LRRC28: variants seen among roughly 807,000 people sequenced by gnomAD.
The protein encoded by LRRC28 is leucine rich repeat containing 28, also known as leucine-rich repeat-containing protein 28.
In LRRC28, 39 loss-of-function variants were observed where a neutral mutation model predicts 45.7. That is an observed-to-expected ratio of 0.85 (90% CI 0.66 to 1.12). The LOEUF (loss-of-function observed/expected upper bound fraction) is 1.12. Ranked by LOEUF, LRRC28 falls within the 50% of genes most tolerant of loss-of-function variation. The pLI, the probability that LRRC28 is intolerant of heterozygous loss-of-function variation, is 0.00. For missense variants in LRRC28, 435 were observed against 438.5 expected (o/e 0.99, Z 0.07); for synonymous variants, 206 against 178.8 (o/e 1.15, Z -1.22).
intron 5 of LRRC28, among the ~76,000 whole-genome samples, chr15:99,292,518 C>G (rs962771453): frequency 6.6e-6 from 1 of 151,726 alleles, no homozygotes; most frequent in Admixed American, 6.6e-5. Flanking sequence ...GCGCCCGCCA[C>G]CGCGCCCGGC....
At position 99,386,606 on chromosome 15, in the gene LRRC28, AGGG is replaced by A; in HGVS notation, c.*505_*507del. On this transcript the variant is annotated 3_prime_UTR_variant, in exon 10 of 10. Transcript: ENST00000301981. ...CGTGGCCTCAATGGTCTTGAGTAGCAGGGTGGGGCGCCTGAGTTGGCAGCAAAG... is the reference window on the plus strand; with the variant it reads ...CGTGGCCTCAATGGTCTTGAGTAGCATGGGGCGCCTGAGTTGGCAGCAAAG... 1 of 153,176 alleles carries A rather than the reference AGGG, an allele frequency of 6.5e-6. No individual in the cohort carries two copies. The highest frequency in any genetic ancestry group is 1.5e-5 in the Non-Finnish European group (1 of 68,686). The allele number at this position is 153,176 out of a possible 1,614,324, so 9.5% of individuals were successfully genotyped here. A position where few individuals can be genotyped will look rare whatever the true frequency, so the allele number is the denominator to read the frequency against.
At chr15:99,330,169 T>C (rs990939317) in intron 5 of LRRC28, among the ~76,000 whole-genome samples, 1 of 152,180 alleles carries the variant, frequency 6.6e-6, no homozygotes, top group Admixed American at 6.6e-5. Context: ...TTTTACACTT[T>C]ATTGATTTTG....
At chr15:99,265,378 GGTGGGCCAAAGTACCCATTGAT>G (rs1372157302) in intron 2 of LRRC28, among the ~76,000 whole-genome samples, 2 of 152,138 alleles carry the variant, frequency 1.3e-5, no homozygotes, top group Non-Finnish European at 2.9e-5. Flanking sequence ...GGAGAATGGA[GGTGGGCCAAAGTACCCATTGAT>G]GTTGACGAAC....
intron 5 of LRRC28, among the ~76,000 whole-genome samples, chr15:99,293,693 A>G (rs1320989319): frequency 3.5e-5 from 5 of 144,082 alleles, no homozygotes; most frequent in Non-Finnish European, 7.5e-5. Flanking sequence ...TTCTTTTCTT[A>G]AGAGACACAG....
At chr15:99,278,908 G>C (rs2081698229) in intron 3 of LRRC28, among the ~76,000 whole-genome samples, 1 of 152,170 alleles carries the variant, frequency 6.6e-6, no homozygotes, top group Admixed American at 6.5e-5. Context: ...ATTCCTTGTA[G>C]GCTGTTGAAC....
intron 5 of LRRC28, among the ~76,000 whole-genome samples, chr15:99,318,551 T>C (rs563228264): frequency 3.3e-5 from 5 of 152,172 alleles, no homozygotes; most frequent in East Asian, 3.8e-4. Flanking sequence ...TATTAATCAT[T>C]TTTGAGTCTT....
intron 5 of LRRC28, among the ~76,000 whole-genome samples, chr15:99,322,263 G>A (rs368009727): frequency 2.0e-5 from 3 of 152,272 alleles, no homozygotes; most frequent in East Asian, 1.9e-4. Context: ...GAGTCTGGGG[G>A]CAGGAAAGGA....
chr15:99,253,309 T>C (rs945963331), intron 1 of LRRC28, among the ~76,000 whole-genome samples: 2 of 152,106 alleles, frequency 1.3e-5, no homozygotes, highest in African/African-American at 2.4e-5. Context: ...TTAGTAGAGA[T>C]GGGGTTTCGC....
intron 5 of LRRC28, among the ~76,000 whole-genome samples, chr15:99,324,364 C>T (rs751426200): frequency 2.0e-5 from 3 of 152,214 alleles, no homozygotes; most frequent in South Asian, 2.1e-4. Flanking sequence ...AAAGCTAAAC[C>T]GCGGATAAAG....
At chr15:99,268,242 T>C (rs959030343) in intron 2 of LRRC28, among the ~76,000 whole-genome samples, 1 of 152,196 alleles carries the variant, frequency 6.6e-6, no homozygotes, top group Non-Finnish European at 1.5e-5. Context: ...GTGTCTGAGT[T>C]TTCCTGTGAA....
intron 9 of LRRC28, among the ~76,000 whole-genome samples, chr15:99,370,441 C>G (rs1181748985): frequency 6.6e-6 from 1 of 151,862 alleles, no homozygotes; most frequent in African/African-American, 2.4e-5. Context: ...ACTAAAAAGT[C>G]CAGAAGGATG....
chr15:99,373,269 C>G (rs903650731), intron 9 of LRRC28, among the ~76,000 whole-genome samples: 2 of 152,122 alleles, frequency 1.3e-5, no homozygotes. Flanking sequence ...CTTTTTATGT[C>G]TGTGGTTCTT....
At position 99,387,211 on chromosome 15, in the gene LRRC28, C is replaced by G. The variant is rs539857012; in HGVS notation, c.*1109C>G. On this transcript the variant is annotated 3_prime_UTR_variant, in exon 10 of 10. Coordinates refer to ENST00000301981, the MANE Select transcript of LRRC28 (RefSeq NM_144598.5). The stretch of plus-strand genomic sequence containing the variant: ...AAGTAGCTGGGACCACAGGCGCCCG[C>G]CACCACGCCCGGCTAATTTTTTGTA... 11 of 145,862 alleles carry G rather than the reference C, an allele frequency of 7.5e-5. No homozygotes were observed. Among genetic ancestry groups the G allele is most frequent in the Admixed American group, 1.4e-4 (2 of 14,274 alleles). The allele number at this position is 145,862 out of a possible 1,614,324, so 9.0% of individuals were successfully genotyped here.
chr15:99,251,887 T>C (rs1299157570), intron 1 of LRRC28: 1 of 152,220 alleles, frequency 6.6e-6, no homozygotes, highest in Non-Finnish European at 1.5e-5. Flanking sequence ...GCTGAGAAAA[T>C]AGCCTTTTAC....
chr15:99,306,875 C>T (rs1270334635), intron 5 of LRRC28, among the ~76,000 whole-genome samples: 1 of 152,194 alleles, frequency 6.6e-6, no homozygotes, highest in Non-Finnish European at 1.5e-5. Context: ...TATCCACTGA[C>T]ATGTTTCCTT....
intron 5 of LRRC28, among the ~76,000 whole-genome samples, chr15:99,309,387 G>GT (rs397736911): frequency 5.3e-5 from 8 of 151,864 alleles, no homozygotes; most frequent in African/African-American, 1.9e-4. Flanking sequence ...ATTTGTGTGT[G>GT]GCATATAACT....
At chr15:99,265,066 G>C (rs2081297337) in intron 2 of LRRC28, among the ~76,000 whole-genome samples, 1 of 152,084 alleles carries the variant, frequency 6.6e-6, no homozygotes, top group Admixed American at 6.6e-5. Flanking sequence ...GGAGAGGGCA[G>C]GTTTGAAGAC....
intron 9 of LRRC28, among the ~76,000 whole-genome samples, chr15:99,365,057 CCAAT>C (rs1269630573): frequency 6.6e-6 from 1 of 152,062 alleles, no homozygotes; most frequent in Non-Finnish European, 1.5e-5. Context: ...TGCTCAGTAG[CCAAT>C]CAAATTCTGA....
intron 2 of LRRC28, among the ~76,000 whole-genome samples, chr15:99,275,490 C>A (rs1262909707): frequency 6.6e-6 from 1 of 152,218 alleles, no homozygotes; most frequent in Admixed American, 6.5e-5. Context: ...TGCAGATTTC[C>A]CTTACTTTCT....
Sources: gnomAD v4.1 joint callset for allele counts (sites outside exome capture counted in the v4.1 genomes callset) on GRCh38, gnomAD v4.1.1 for gene constraint, MANE v1.5 for transcripts, NCBI Gene and HGNC (gene_info 2026-07-23, HGNC 2026-07-21) for gene names.